The following NPIPB11 variants were observed in gnomAD, a reference collection of about 807,000 sequenced individuals.
NPIPB11 encodes the protein nuclear pore complex interacting protein family member B11, also known as nuclear pore complex-interacting protein family member B11.
Under a neutral mutation model 32.8 loss-of-function variants are expected in NPIPB11, and 17 were observed. The ratio of observed to expected loss-of-function variants is 0.52; its 90% CI spans 0.35 to 0.78. The LOEUF (loss-of-function observed/expected upper bound fraction) is 0.78, where lower values mean the gene tolerates loss of function less well. NPIPB11 is among the 30% of genes least tolerant of loss of function. NPIPB11 has a pLI of 0.01. For missense variants in NPIPB11, 537 were observed against 1,000.4 expected (o/e 0.54, Z 6.25); for synonymous variants, 209 against 398.4 (o/e 0.52, Z 5.66).
intron 3 of NPIPB11, among the ~76,000 whole-genome samples, chr16:29,391,035 G>A (rs1246818751): frequency 4.0e-5 from 6 of 150,882 alleles, no homozygotes; most frequent in African/African-American, 4.9e-5. Context: ...TTGGGAGGCC[G>A]ACGCGGGTGA....
intron 5 of NPIPB11, among the ~76,000 whole-genome samples, chr16:29,389,239 G>C (rs952044712): frequency 1.1e-4 from 16 of 150,060 alleles, no homozygotes; most frequent in African/African-American, 2.2e-4. Context: ...GTGGCACACA[G>C]CTGTAATCCA....
In NPIPB11 at chr16:29,383,149, G is replaced by A. The variant is rs773186181; in HGVS notation, c.1783C>T (p.Arg595Trp). 62 of 1,595,282 alleles carry A rather than the reference G, an allele frequency of 3.9e-5. 1 individual carries two copies. Among genetic ancestry groups the A allele is most frequent in the South Asian group, 2.1e-4 (19 of 89,690 alleles). Reference sequence around the variant, plus strand: ...GGAAGGTCTCTTGAGATTATCATCCGCTGAGGGTGGAAGCGGAACTGCAGA... The same window carrying A: ...GGAAGGTCTCTTGAGATTATCATCCACTGAGGGTGGAAGCGGAACTGCAGA... The change falls in exon 8 of 8, where the codon CGG becomes TGG. Residue 595 changes from arginine to tryptophan, a missense_variant. Coordinates refer to ENST00000524087, the Ensembl canonical transcript of NPIPB11.
chr16:29,406,627 T>C (rs905048099), upstream of NPIPB11, among the ~76,000 whole-genome samples: 2 of 152,118 alleles, frequency 1.3e-5, no homozygotes, highest in African/African-American at 4.8e-5. Flanking sequence ...GACAGGAGAA[T>C]TGCTTGAACC....
At chr16:29,396,001 G>A (rs1963844664) in intron 2 of NPIPB11, among the ~76,000 whole-genome samples, 1 of 150,602 alleles carries the variant, frequency 6.6e-6, no homozygotes, top group African/African-American at 2.4e-5. Flanking sequence ...AAATTACCAA[G>A]GTGGAGATCA....
At chr16:29,391,709 C>A (rs1348127748) in intron 3 of NPIPB11, among the ~76,000 whole-genome samples, 1 of 152,116 alleles carries the variant, frequency 6.6e-6, no homozygotes, top group Non-Finnish European at 1.5e-5. Context: ...CTATGAATCT[C>A]CTGAGGTAGT....
At position 29,400,939 on chromosome 16, in the gene NPIPB11, C is replaced by T. The variant is rs533201293; in HGVS notation, c.120+2744G>A. On this transcript the variant is annotated intron_variant, in intron 2 of 7. Transcript: ENST00000524087. ...CTATCCCCACAGACGATTCCCTGTCCCTTGCCTCATGCTCCGGCAGGGTAC... is the reference window on the plus strand; with the variant it reads ...CTATCCCCACAGACGATTCCCTGTCTCTTGCCTCATGCTCCGGCAGGGTAC... 5.9e-5 allele frequency among the ~76,000 whole-genome samples: 9 copies of T among 152,214 alleles called. No homozygotes were observed. In the East Asian group the frequency reaches 1.7e-3, roughly 29 times the overall value.
At chr16:29,402,724 C>CTCTGTGTGTGTGTGTG (rs1449821025) in intron 2 of NPIPB11, among the ~76,000 whole-genome samples, 7 of 119,674 alleles carry the variant, frequency 5.8e-5, no homozygotes, top group East Asian at 5.8e-4. Context: ...CTCTCTCTCT[C>CTCTGTGTGTGTGTGTG]TGTGTGTGTG....
intron 2 of NPIPB11, among the ~76,000 whole-genome samples, chr16:29,401,880 A>C (rs530555139): frequency 6.6e-6 from 1 of 151,582 alleles, no homozygotes; most frequent in Admixed American, 6.6e-5. Context: ...AGCATGGGCA[A>C]GAAAAGAGCC....
chr16:29,383,046 C>G (rs759641304), exon 8 of NPIPB11: 4 of 1,608,476 alleles, frequency 2.5e-6, no homozygotes, highest in Non-Finnish European at 3.4e-6. Flanking sequence ...GCGGAACCCG[C>G]AGATGCTCAG....
chr16:29,396,932 G>A (rs1963868732), intron 2 of NPIPB11, among the ~76,000 whole-genome samples: 3 of 151,824 alleles, frequency 2.0e-5, no homozygotes, highest in Admixed American at 6.6e-5. Context: ...GGCGGATCAC[G>A]AGGTCAAGAG....
At chr16:29,391,095 C>T (rs1369545241) in intron 3 of NPIPB11, among the ~76,000 whole-genome samples, 4 of 149,884 alleles carry the variant, frequency 2.7e-5, no homozygotes, top group African/African-American at 7.4e-5. Flanking sequence ...GGTGAAACCC[C>T]GTCTCTACTA....
At chr16:29,405,141 G>C (rs1425393089), upstream of NPIPB11, among the ~76,000 whole-genome samples, 1 of 151,750 alleles carries the variant, frequency 6.6e-6, no homozygotes, top group Non-Finnish European at 1.5e-5. Flanking sequence ...CTCTAACTGT[G>C]TCTGAAACAT....
Position 29,397,547 on chromosome 16 carries a change from G to A in NPIPB11, c.121-3471C>T, listed in dbSNP as rs545977854. On this transcript the variant is annotated intron_variant, in intron 2 of 7. Coordinates refer to ENST00000524087, the Ensembl canonical transcript of NPIPB11. Reference sequence around the variant, plus strand: ...AGCCCAGTAAAAAGGAAGAAACCCCGAGGGTCCAGCGTCTACTCACACGGA... The same window carrying A: ...AGCCCAGTAAAAAGGAAGAAACCCCAAGGGTCCAGCGTCTACTCACACGGA... 1.2e-4 allele frequency: 189 copies of A among 1,512,990 alleles called. 1 individual carries two copies. The highest frequency in any genetic ancestry group is 8.6e-4 in the South Asian group (72 of 83,460). The allele number at this position is 1,512,990 out of a possible 1,614,324, so 93.7% of individuals were successfully genotyped here. A position where few individuals can be genotyped will look rare whatever the true frequency, so the allele number is the denominator to read the frequency against.
At chr16:29,391,228 C>T (rs1963714355) in intron 3 of NPIPB11, among the ~76,000 whole-genome samples, 1 of 132,264 alleles carries the variant, frequency 7.6e-6, no homozygotes, top group Admixed American at 7.8e-5. Flanking sequence ...GATCCCACCA[C>T]TGCACTCCAG....
chr16:29,383,042 C>A (rs1437313765), exon 8 of NPIPB11: 1 of 1,606,728 alleles, frequency 6.2e-7, no homozygotes, highest in Admixed American at 1.7e-5. Context: ...GGAAGCGGAA[C>A]CCGCAGATGC....
At chr16:29,401,314 C>G (rs948944441) in intron 2 of NPIPB11, among the ~76,000 whole-genome samples, 2 of 152,104 alleles carry the variant, frequency 1.3e-5, no homozygotes, top group Non-Finnish European at 2.9e-5. Flanking sequence ...TGTTCCCATC[C>G]TCAAAACTAT....
intron 1 of NPIPB11, 44 bp from the exon 2 acceptor site, chr16:29,403,884 C>A: frequency 2.0e-6 from 3 of 1,530,476 alleles, no homozygotes; most frequent in Non-Finnish European, 2.6e-6. Context: ...AGTGGAAAAA[C>A]AAGGTGATGT....
intron 3 of NPIPB11, among the ~76,000 whole-genome samples, chr16:29,391,867 C>T (rs1014338534): frequency 3.3e-4 from 50 of 151,826 alleles, no homozygotes; most frequent in Non-Finnish European, 5.4e-4. Context: ...ATTACAGGTG[C>T]CTGCTACCAT....
chr16:29,394,685 G>A (rs529946569), intron 2 of NPIPB11, among the ~76,000 whole-genome samples: 2 of 152,080 alleles, frequency 1.3e-5, no homozygotes, highest in Non-Finnish European at 2.9e-5. Context: ...GCCTGCCTCA[G>A]CCTCCCAAAG....
Sources: gnomAD v4.1 joint callset for allele counts (sites outside exome capture counted in the v4.1 genomes callset) on GRCh38, gnomAD v4.1.1 for gene constraint, MANE v1.5 for transcripts, NCBI Gene and HGNC (gene_info 2026-07-23, HGNC 2026-07-21) for gene names.